SORCS1: variants seen among roughly 807,000 people sequenced by gnomAD.
SORCS1 encodes the protein VPS10 domain-containing receptor SorCS1.
Under a neutral mutation model 146.1 loss-of-function variants are expected in SORCS1, and 60 were observed. That is an observed-to-expected ratio of 0.41 (90% confidence interval 0.33 to 0.51). The LOEUF is 0.51. Ranked by LOEUF, SORCS1 falls within the 20% of genes least tolerant of loss-of-function variation. SORCS1 has a pLI of 0.21. For missense variants in SORCS1, 1,352 were observed against 1,487.6 expected (o/e 0.91, Z 1.50); for synonymous variants, 637 against 584.0 (o/e 1.09, Z -1.31).
intron 18 of SORCS1, among the ~76,000 whole-genome samples, chr10:106,631,271 C>T (rs1008325409): frequency 6.6e-6 from 1 of 152,144 alleles, no homozygotes; most frequent in African/African-American, 2.4e-5. Context: ...AGAGAAATTC[C>T]ATTCAAAACT....
intron 1 of SORCS1, among the ~76,000 whole-genome samples, chr10:107,001,099 T>C (rs930178548): frequency 5.3e-5 from 8 of 152,212 alleles, no homozygotes; most frequent in African/African-American, 1.7e-4. Context: ...CTCCTTAATG[T>C]TAAATTGAAT....
intron 5 of SORCS1, among the ~76,000 whole-genome samples, chr10:106,749,318 C>G (rs992749590): frequency 6.6e-6 from 1 of 152,160 alleles, no homozygotes; most frequent in African/African-American, 2.4e-5. Flanking sequence ...CAATTCCATG[C>G]CCAGTTTTAC....
At position 107,153,329 on chromosome 10, in the gene SORCS1, T is replaced by C. The variant is rs186968154; in HGVS notation, c.558+10640A>G. Among the ~76,000 whole-genome samples, 724 of 152,310 alleles carry C rather than the reference T, an allele frequency of 4.8e-3. 14 individuals carry two copies. Among genetic ancestry groups the C allele is most frequent in the Non-Finnish European group, 2.9e-3 (200 of 68,030 alleles). ...ACATTGGTGCTTATGTTGCTGTGAA[T>C]GTATACAGACATATAAGAGCGCACA... On this transcript the variant is annotated intron_variant, in intron 1 of 25. Transcript: ENST00000263054.
intron 17 of SORCS1, among the ~76,000 whole-genome samples, chr10:106,664,586 G>A (rs376729988): frequency 2.0e-5 from 3 of 152,246 alleles, no homozygotes; most frequent in African/African-American, 7.2e-5. Context: ...AGGTTGCAGT[G>A]AGCCGAGATC....
intron 1 of SORCS1, among the ~76,000 whole-genome samples, chr10:106,959,593 A>G (rs1351598176): frequency 6.6e-6 from 1 of 152,174 alleles, no homozygotes; most frequent in Non-Finnish European, 1.5e-5. Flanking sequence ...AAAAAATGAA[A>G]TTGCCTCCCT....
intron 1 of SORCS1, among the ~76,000 whole-genome samples, chr10:107,064,107 C>A (rs1179352610): frequency 6.6e-6 from 1 of 152,142 alleles, no homozygotes; most frequent in Non-Finnish European, 1.5e-5. Flanking sequence ...TTTTAGACAG[C>A]AATCTGTGGT....
chr10:106,605,782 C>T (rs1846532767), intron 23 of SORCS1, among the ~76,000 whole-genome samples: 1 of 152,136 alleles, frequency 6.6e-6, no homozygotes, highest in African/African-American at 2.4e-5. Flanking sequence ...CTCTGCTCTT[C>T]ATTACTTGCA....
At chr10:106,928,913 CTATATA>C (rs35979026) in intron 2 of SORCS1, among the ~76,000 whole-genome samples, 2 of 149,498 alleles carry the variant, frequency 1.3e-5, no homozygotes, top group African/African-American at 2.5e-5. Context: ...ATATATATAC[CTATATA>C]TATATATTCA....
intron 3 of SORCS1, among the ~76,000 whole-genome samples, chr10:106,798,603 C>T (rs184181138): frequency 6.6e-6 from 1 of 152,300 alleles, no homozygotes; most frequent in East Asian, 1.9e-4. Flanking sequence ...CATGTCCCTA[C>T]AAAGGATGTG....
chr10:106,850,453 G>A (rs1267816508), intron 2 of SORCS1, among the ~76,000 whole-genome samples: 1 of 152,010 alleles, frequency 6.6e-6, no homozygotes, highest in African/African-American at 2.4e-5. Context: ...CTCGCACACG[G>A]TGCGCGCACT....
At chr10:106,788,660 G>A (rs1287539100) in intron 3 of SORCS1, among the ~76,000 whole-genome samples, 1 of 152,208 alleles carries the variant, frequency 6.6e-6, no homozygotes, top group Non-Finnish European at 1.5e-5. Context: ...CAGGAGGTGG[G>A]CTCCCATTGT....
In SORCS1 at chr10:106,765,658, C is replaced by T. The variant is rs373180884; in HGVS notation, c.886-3997G>A. Among the ~76,000 whole-genome samples, 9 of 152,058 alleles carry T rather than the reference C, an allele frequency of 5.9e-5. No individual in the cohort carries two copies. The East Asian group carries it at 1.7e-3, about 29-fold the overall frequency. On this transcript the variant is annotated intron_variant, in intron 4 of 25. Transcript: ENST00000263054. ...TGGGATGCACTGGTTTTGCTCAATT[C>T]CTAGTCTACAGCAGATGAAGATGGG...
At chr10:106,964,181 A>G (rs985044475) in intron 1 of SORCS1, among the ~76,000 whole-genome samples, 2 of 152,258 alleles carry the variant, frequency 1.3e-5, no homozygotes, top group African/African-American at 4.8e-5. Flanking sequence ...ACCCAACACA[A>G]TATCAGAATA....
chr10:107,053,446 G>A (rs998041454), intron 1 of SORCS1, among the ~76,000 whole-genome samples: 10 of 152,094 alleles, frequency 6.6e-5, no homozygotes, highest in African/African-American at 1.4e-4. Context: ...GGTTAGGTAC[G>A]TAGTTGTATA....
At chr10:106,900,047 A>C (rs1419487106) in intron 2 of SORCS1, among the ~76,000 whole-genome samples, 1 of 152,040 alleles carries the variant, frequency 6.6e-6, no homozygotes, top group East Asian at 1.9e-4. Flanking sequence ...CTCAGAAAAG[A>C]AGCTCAAGGG....
chr10:107,027,020 G>GTA (rs980967771), intron 1 of SORCS1, among the ~76,000 whole-genome samples: 51 of 120,622 alleles, frequency 4.2e-4, no homozygotes, highest in Middle Eastern at 3.8e-3. Flanking sequence ...GGGTATATGT[G>GTA]TATATATATA....
At chr10:107,160,666 T>A (rs574078477) in intron 1 of SORCS1, among the ~76,000 whole-genome samples, 1 of 152,206 alleles carries the variant, frequency 6.6e-6, no homozygotes, top group East Asian at 1.9e-4. Flanking sequence ...CAATTGCCAG[T>A]GAGAAAGGGG....
intron 2 of SORCS1, among the ~76,000 whole-genome samples, chr10:106,853,811 A>C (rs960471973): frequency 6.6e-6 from 1 of 152,010 alleles, no homozygotes; most frequent in East Asian, 1.9e-4. Context: ...TGTGGTTGAA[A>C]AACAGACATT....
intron 6 of SORCS1, among the ~76,000 whole-genome samples, chr10:106,718,201 C>T (rs547008399): frequency 1.3e-5 from 2 of 152,216 alleles, no homozygotes; most frequent in Non-Finnish European, 2.9e-5. Context: ...GTGTGTTTTG[C>T]GAGAAAGTCC....
Sources: allele counts gnomAD v4.1 joint callset (sites outside exome capture counted in the v4.1 genomes callset), GRCh38; gene constraint gnomAD v4.1.1; transcripts MANE v1.5; gene names NCBI Gene and HGNC (gene_info 2026-07-23, HGNC 2026-07-21).